NTRK2: variants seen among roughly 807,000 people sequenced by gnomAD.
NTRK2 encodes the protein BDNF/NT-3 growth factors receptor.
In NTRK2, 13 loss-of-function variants were observed where a neutral mutation model predicts 94.5. That is an observed-to-expected ratio of 0.14 (90% CI 0.09 to 0.22). The LOEUF is 0.22. NTRK2 is among the 10% of genes least tolerant of loss of function. NTRK2 has a pLI of 1.00. For missense variants in NTRK2, 639 were observed against 1,071.2 expected, an observed-to-expected ratio of 0.60 and a Z score of 5.63; for synonymous variants, 372 against 407.4, an observed-to-expected ratio of 0.91 and a Z score of 1.05.
chr9:84,782,905 C>T (rs756900744), intron 12 of NTRK2, among the ~76,000 whole-genome samples: 2 of 152,212 alleles, frequency 1.3e-5, no homozygotes, highest in Non-Finnish European at 2.9e-5. Context: ...TTATGTTATC[C>T]GTGGCTTATG....
chr9:84,827,673 A>G (rs1338446843), intron 12 of NTRK2, among the ~76,000 whole-genome samples: 2 of 152,156 alleles, frequency 1.3e-5, no homozygotes, highest in Non-Finnish European at 2.9e-5. Context: ...GCCTTAAGAA[A>G]CATTTTTCAA....
chr9:84,881,376 G>A (rs1402219844), intron 14 of NTRK2, among the ~76,000 whole-genome samples: 1 of 152,184 alleles, frequency 6.6e-6, no homozygotes, highest in African/African-American at 2.4e-5. Flanking sequence ...TAATCAGGAA[G>A]TCACGTCTCA....
intron 14 of NTRK2, chr9:84,876,607 C>T: frequency 9.5e-7 from 1 of 1,057,822 alleles, no homozygotes. Context: ...CTTGGTTTTA[C>T]TTCCATAAAC....
At chr9:84,710,561 T>C in intron 5 of NTRK2, 76 bp from the exon 6 acceptor site, 1 of 1,446,924 alleles carries the variant, frequency 6.9e-7, no homozygotes, top group Non-Finnish European at 9.7e-7. Context: ...TTCATAATGT[T>C]GTAGTATTTT....
intron 6 of NTRK2, among the ~76,000 whole-genome samples, chr9:84,721,009 G>A (rs935329819): frequency 1.3e-5 from 2 of 152,180 alleles, no homozygotes; most frequent in Non-Finnish European, 2.9e-5. Flanking sequence ...TGGTAAGAAA[G>A]CATGTGTTAT....
intron 17 of NTRK2, among the ~76,000 whole-genome samples, chr9:84,958,653 C>T (rs1824491444): frequency 6.6e-6 from 1 of 152,110 alleles, no homozygotes; most frequent in African/African-American, 2.4e-5. Flanking sequence ...TTGCAATGGC[C>T]TCTGTTGCAG....
chr9:84,953,317 C>G (rs1300530941), intron 16 of NTRK2, among the ~76,000 whole-genome samples: 1 of 152,224 alleles, frequency 6.6e-6, no homozygotes, highest in Non-Finnish European at 1.5e-5. Context: ...AAGCCTTTCT[C>G]CCTGGTTTTC....
At chr9:84,814,905 A>G (rs1489808276) in intron 12 of NTRK2, 5 of 1,060,748 alleles carry the variant, frequency 4.7e-6, no homozygotes, top group East Asian at 5.1e-5. Flanking sequence ...TAACCACTCT[A>G]TTAAGTGTGT....
intron 2 of NTRK2, among the ~76,000 whole-genome samples, chr9:84,688,084 C>T (rs561787201): frequency 6.6e-6 from 1 of 152,178 alleles, no homozygotes; most frequent in Admixed American, 6.5e-5. Flanking sequence ...AAGGAAAAGG[C>T]CTGCTCAGGC....
At chr9:84,716,557 GA>G (rs1371728378) in intron 6 of NTRK2, among the ~76,000 whole-genome samples, 1 of 152,128 alleles carries the variant, frequency 6.6e-6, no homozygotes, top group Non-Finnish European at 1.5e-5. Context: ...GCTCTATGTG[GA>G]AGTTAGAGTG....
At chr9:84,832,890 G>A (rs189730965) in intron 12 of NTRK2, among the ~76,000 whole-genome samples, 80 of 152,162 alleles carry the variant, frequency 5.3e-4, no homozygotes, top group African/African-American at 1.8e-3. Context: ...TCTTATTTGG[G>A]CCATAGATAA....
At chr9:84,692,850 C>G (rs909046767) in intron 2 of NTRK2, among the ~76,000 whole-genome samples, 1 of 152,180 alleles carries the variant, frequency 6.6e-6, no homozygotes, top group African/African-American at 2.4e-5. Flanking sequence ...CATGGGAGCT[C>G]TACACATCTC....
At chr9:84,770,195 A>ACACACACAC (rs2066415222) in intron 12 of NTRK2, among the ~76,000 whole-genome samples, 40 of 95,108 alleles carry the variant, frequency 4.2e-4, no homozygotes, top group African/African-American at 1.6e-3. Flanking sequence ...CACACACACA[A>ACACACACAC]ACACACAGCT....
chr9:84,720,017 C>CAAAAAAAA (rs57132074), intron 6 of NTRK2, among the ~76,000 whole-genome samples: 1 of 87,754 alleles, frequency 1.1e-5, no homozygotes, highest in Non-Finnish European at 2.2e-5. Flanking sequence ...AAGACTATCT[C>CAAAAAAAA]AAAAAAAAAA....
chr9:84,875,291 C>T, intron 14 of NTRK2: 2 of 1,058,794 alleles, frequency 1.9e-6, no homozygotes, highest in South Asian at 4.6e-5. Flanking sequence ...TTTGTATTTC[C>T]TTGGAGATGT....
chr9:84,813,964 G>C (rs1211036842), intron 12 of NTRK2: 2 of 1,065,360 alleles, frequency 1.9e-6, no homozygotes, highest in Non-Finnish European at 2.3e-6. Flanking sequence ...CATCACATGA[G>C]ACACTGACTC....
chr9:84,747,368 C>T (rs1380215806), intron 11 of NTRK2, among the ~76,000 whole-genome samples: 1 of 151,588 alleles, frequency 6.6e-6, no homozygotes, highest in Non-Finnish European at 1.5e-5. Flanking sequence ...TACCAATCCA[C>T]TTAATATTTC....
intron 12 of NTRK2, chr9:84,812,728 T>C: frequency 9.6e-7 from 1 of 1,040,800 alleles, no homozygotes; most frequent in East Asian, 5.8e-5. Flanking sequence ...TATGGATTGT[T>C]TAAGAACTAT....
chr9:84,989,048 G>A (rs1031105403), intron 17 of NTRK2, among the ~76,000 whole-genome samples: 14 of 152,152 alleles, frequency 9.2e-5, no homozygotes, highest in African/African-American at 1.7e-4. Context: ...CAAATATCCC[G>A]AATCAGAGAA....
Sources: allele counts gnomAD v4.1 joint callset (sites outside exome capture counted in the v4.1 genomes callset), GRCh38; gene constraint gnomAD v4.1.1; transcripts MANE v1.5; gene names NCBI Gene and HGNC (gene_info 2026-07-23, HGNC 2026-07-21).